C12orf42: variants seen among roughly 807,000 people sequenced by gnomAD.
C12orf42 encodes the protein uncharacterized protein C12orf42.
Under a neutral mutation model 21.6 loss-of-function variants are expected in C12orf42, and 25 were observed. The ratio of observed to expected loss-of-function variants is 1.16; its 90% CI spans 0.84 to 1.62. The LOEUF is 1.62. Among genes scored for constraint, C12orf42 ranks in the 40% most tolerant of loss-of-function variants. The pLI, the probability that C12orf42 is intolerant of heterozygous loss-of-function variation, is 0.00. For synonymous variants in C12orf42, 174 were observed against 175.0 expected (o/e 0.99, Z 0.05); for missense variants, 483 against 459.3 (o/e 1.05, Z -0.47).
chr12:103,362,280 C>G, intron 4 of C12orf42, among the ~76,000 whole-genome samples: 1 of 152,102 alleles, frequency 6.6e-6, no homozygotes, highest in East Asian at 1.9e-4. Flanking sequence ...GCTCAGCTCT[C>G]AGGAAGCCAC....
chr12:103,203,422 T>C, the C12orf42 span, among the ~76,000 whole-genome samples: 1 of 152,210 alleles, frequency 6.6e-6, no homozygotes, highest in African/African-American at 2.4e-5. Flanking sequence ...AAAATGTTGA[T>C]TTTGAGTGTT....
At chr12:103,072,429 T>G in the C12orf42 span, among the ~76,000 whole-genome samples, 14 of 151,766 alleles carry the variant, frequency 9.2e-5, no homozygotes, top group African/African-American at 3.4e-4. Context: ...CTCTCTTGTA[T>G]TTTTTGTTCT....
intron 3 of C12orf42, among the ~76,000 whole-genome samples, chr12:103,391,788 C>T (rs953313371): frequency 6.6e-6 from 1 of 151,866 alleles, no homozygotes; most frequent in African/African-American, 2.4e-5. Flanking sequence ...TGTCTGATCA[C>T]TCTCCTGATA....
At chr12:103,363,561 A>G (rs1199924111) in intron 4 of C12orf42, among the ~76,000 whole-genome samples, 1 of 152,150 alleles carries the variant, frequency 6.6e-6, no homozygotes, top group Non-Finnish European at 1.5e-5. Context: ...TGCAGAACGG[A>G]TAAGAATTCA....
At chr12:103,530,973 A>G in the C12orf42 span, among the ~76,000 whole-genome samples, 1 of 152,302 alleles carries the variant, frequency 6.6e-6, no homozygotes, top group Admixed American at 6.5e-5. Context: ...TGCAAACAAA[A>G]CAGTCGCCCC....
Position 103,282,130 on chromosome 12 carries a change from C to T in C12orf42, n.338-4920G>A, listed in dbSNP as rs17033661. Among the ~76,000 whole-genome samples the T allele has an allele frequency of 2.3e-3, 352 of 152,200 alleles. 13 individuals are homozygous for T. In the East Asian group the frequency reaches 0.06, roughly 26 times the overall value. On this transcript the variant is annotated intron_variant and non_coding_transcript_variant, in intron 4 of 6. Transcript: ENST00000546526. ...AAATCAAGAGTCCTAAATGATGTAACGACTATTAAGGAGTCTCTGATTCTA... is the reference window on the plus strand; with the variant it reads ...AAATCAAGAGTCCTAAATGATGTAATGACTATTAAGGAGTCTCTGATTCTA...
At chr12:103,540,408 C>T in the C12orf42 span, among the ~76,000 whole-genome samples, 1 of 151,974 alleles carries the variant, frequency 6.6e-6, no homozygotes. Flanking sequence ...TTAAAATATC[C>T]CTAGTATGAT....
At chr12:103,142,811 C>T in the C12orf42 span, among the ~76,000 whole-genome samples, 2 of 152,164 alleles carry the variant, frequency 1.3e-5, no homozygotes, top group Non-Finnish European at 2.9e-5. Flanking sequence ...CAGCAAACTA[C>T]CTTTTTCAGT....
At chr12:103,312,047 T>A (rs2039022069) in intron 4 of C12orf42, among the ~76,000 whole-genome samples, 1 of 152,224 alleles carries the variant, frequency 6.6e-6, no homozygotes, top group South Asian at 2.1e-4. Flanking sequence ...CATTATTTGC[T>A]CCTTTACAAC....
chr12:103,368,745 G>A (rs943696325), intron 4 of C12orf42, 142 bp downstream of exon 4: 7 of 532,086 alleles, frequency 1.3e-5, no homozygotes, highest in African/African-American at 7.8e-5. Flanking sequence ...CTAACTTCAT[G>A]AGCCAATGAA....
the C12orf42 span, chr12:103,159,358 C>T: frequency 6.6e-6 from 1 of 152,128 alleles, no homozygotes; most frequent in African/African-American, 2.4e-5. Context: ...TAATTTAATT[C>T]TTAATAAAAA....
chr12:103,331,882 A>G (rs553560702), intron 4 of C12orf42, among the ~76,000 whole-genome samples: 1 of 152,348 alleles, frequency 6.6e-6, no homozygotes, highest in Non-Finnish European at 1.5e-5. Flanking sequence ...GGCAGGAAGC[A>G]TGAACTCCTA....
At chr12:103,050,607 C>T in the C12orf42 span, among the ~76,000 whole-genome samples, 1 of 151,914 alleles carries the variant, frequency 6.6e-6, no homozygotes, top group Non-Finnish European at 1.5e-5. Context: ...AGCAGAGTCA[C>T]CTAATGTCAT....
At chr12:103,147,562 G>T in the C12orf42 span, among the ~76,000 whole-genome samples, 1 of 99,954 alleles carries the variant, frequency 1.0e-5, no homozygotes, top group Non-Finnish European at 1.9e-5. Flanking sequence ...TTTCCTGCTG[G>T]TTGTTATTGT....
At chr12:103,401,550 G>A in intron 3 of C12orf42, 57 bp downstream of exon 3, 1 of 1,440,680 alleles carries the variant, frequency 6.9e-7, no homozygotes, top group Admixed American at 1.8e-5. Flanking sequence ...TAAAGCAACT[G>A]AACCCTAAAG....
the C12orf42 span, among the ~76,000 whole-genome samples, chr12:103,047,664 C>T: frequency 2.6e-5 from 4 of 152,144 alleles, no homozygotes; most frequent in Admixed American, 2.0e-4. Flanking sequence ...TTCTGGGCCT[C>T]GGGTTTGATG....
At chr12:103,330,573 A>C (rs17033713) in intron 4 of C12orf42, among the ~76,000 whole-genome samples, 1 of 152,200 alleles carries the variant, frequency 6.6e-6, no homozygotes. Context: ...GTCGGCCATG[A>C]AAAGCATGAC....
chr12:103,317,394 G>A (rs1032519860), intron 4 of C12orf42, among the ~76,000 whole-genome samples: 7 of 152,122 alleles, frequency 4.6e-5, no homozygotes, highest in Admixed American at 2.6e-4. Context: ...CCAGGATACC[G>A]CCTCTTCCCC....
intron 2 of C12orf42, among the ~76,000 whole-genome samples, chr12:103,429,644 A>C (rs1950116379): frequency 6.6e-6 from 1 of 152,250 alleles, no homozygotes. Context: ...GGAACCAAAA[A>C]AGAGTCCATA....
Sources: allele counts gnomAD v4.1 joint callset (sites outside exome capture counted in the v4.1 genomes callset), GRCh38; gene constraint gnomAD v4.1.1; transcripts MANE v1.5; gene names NCBI Gene and HGNC (gene_info 2026-07-23, HGNC 2026-07-21).